Variants in AHCYL1 observed in about 807,000 individuals in gnomAD.
The protein encoded by AHCYL1 is S-adenosylhomocysteine hydrolase-like protein 1.
A neutral mutation model predicts 79.3 loss-of-function variants in AHCYL1; 20 were observed. The ratio of observed to expected loss-of-function variants is 0.25; its 90% CI spans 0.18 to 0.37. AHCYL1 has a LOEUF of 0.37. AHCYL1 is among the 10% of genes least tolerant of loss of function. The pLI, the probability that AHCYL1 is intolerant of heterozygous loss-of-function variation, is 1.00. For synonymous variants in AHCYL1, 223 were observed against 242.2 expected (o/e 0.92, Z 0.74); for missense variants, 330 against 673.6 (o/e 0.49, Z 5.65).
chr1:110,014,958 GCA>G, intron 6 of AHCYL1, 101 bp downstream of exon 6: 1 of 1,109,750 alleles, frequency 9.0e-7, no homozygotes, highest in Non-Finnish European at 1.3e-6. Context: ...TTGGTCTTAT[GCA>G]CTGACTTTGT....
At chr1:110,014,562 T>C (rs1288739680) in intron 5 of AHCYL1, among the ~76,000 whole-genome samples, 1 of 152,246 alleles carries the variant, frequency 6.6e-6, no homozygotes, top group Non-Finnish European at 1.5e-5. Context: ...GGTTCCAAAC[T>C]ACTTTTAAAG....
In AHCYL1 at chr1:109,989,441, A is replaced by C. The variant is rs935237808; in HGVS notation, c.120+4269A>C. On this transcript the variant is annotated intron_variant, in intron 1 of 16. Coordinates refer to ENST00000369799, the MANE Select transcript of AHCYL1 (RefSeq NM_006621.7). The stretch of plus-strand genomic sequence containing the variant: ...CCTGTGTTGCCCAGGCTTGTCTTGA[A>C]CTCCTGGGCTCAAGCGATCTTCCCA... Among the ~76,000 whole-genome samples, 8 of 151,680 alleles carry C rather than the reference A, an allele frequency of 5.3e-5. No individual in the cohort carries two copies. In the South Asian group the frequency reaches 8.4e-4, roughly 16 times the overall value.
chr1:110,001,715 G>A (rs1036489129), intron 1 of AHCYL1, among the ~76,000 whole-genome samples: 1 of 152,102 alleles, frequency 6.6e-6, no homozygotes, highest in African/African-American at 2.4e-5. Context: ...AGAGTATCAG[G>A]GCTAGGAATA....
rs372384090 is a variant in AHCYL1, at chr1:110,019,518, G to A, written c.1387-30G>A. On this transcript the variant is annotated intron_variant, in intron 14 of 16. Transcript: ENST00000369799. ...ATGTGCCTGTCTAAGAAATATTTTT[G>A]TGCTTTCTGGCCTTCTTTTCCCACC... 37 of 1,568,644 alleles carry A rather than the reference G, an allele frequency of 2.4e-5. No homozygotes were observed. In the Middle Eastern group the frequency reaches 1.9e-3, roughly 80 times the overall value.
intron 5 of AHCYL1, among the ~76,000 whole-genome samples, chr1:110,013,881 A>T (rs1008526916): frequency 6.7e-6 from 1 of 149,228 alleles, no homozygotes; most frequent in Non-Finnish European, 1.5e-5. Flanking sequence ...GCTCACTGCA[A>T]CCCCTGCCTC....
At chr1:109,988,283 A>G (rs1649574535) in intron 1 of AHCYL1, among the ~76,000 whole-genome samples, 1 of 152,228 alleles carries the variant, frequency 6.6e-6, no homozygotes, top group South Asian at 2.1e-4. Flanking sequence ...TGTAATTCAC[A>G]TTGTAAGGCT....
At chr1:109,989,382 A>T (rs1403733435) in intron 1 of AHCYL1, among the ~76,000 whole-genome samples, 1 of 152,020 alleles carries the variant, frequency 6.6e-6, no homozygotes, top group African/African-American at 2.4e-5. Context: ...CTTTTTTAAA[A>T]TTTATTTTTA....
chr1:110,019,656 GA>G, intron 15 of AHCYL1, 30 bp downstream of exon 15: 2 of 1,586,258 alleles, frequency 1.3e-6, no homozygotes, highest in Non-Finnish European at 1.7e-6. Context: ...AATCTATGCA[GA>G]CAGCTGCATA....
intron 1 of AHCYL1, among the ~76,000 whole-genome samples, chr1:110,002,720 G>A (rs1052688483): frequency 8.5e-5 from 13 of 152,194 alleles, no homozygotes; most frequent in African/African-American, 3.1e-4. Flanking sequence ...ACCTTTCAAA[G>A]AAGAGATCTG....
rs370475462 is a variant in AHCYL1 at position 110,021,744 on chromosome 1, T to C, written c.*64T>C. Reference sequence around the variant, plus strand: ...CACTCTAAAGAAATATTTTTTAAGATAACTTTTATTTTCTTCTTACTCCTT... The same window carrying C: ...CACTCTAAAGAAATATTTTTTAAGACAACTTTTATTTTCTTCTTACTCCTT... On this transcript the variant is annotated 3_prime_UTR_variant, in exon 17 of 17. Transcript: ENST00000369799. The C allele has an allele frequency of 6.6e-6, 10 of 1,522,346 alleles. No homozygotes were observed. In the African/African-American group the frequency reaches 1.1e-4, roughly 17 times the overall value. The allele number at this position is 1,522,346 out of a possible 1,614,324, so 94.3% of individuals were successfully genotyped here. A position where few individuals can be genotyped will look rare whatever the true frequency, so the allele number is the denominator to read the frequency against.
At chr1:109,998,367 T>C (rs1308688063) in intron 1 of AHCYL1, among the ~76,000 whole-genome samples, 2 of 152,146 alleles carry the variant, frequency 1.3e-5, no homozygotes, top group Admixed American at 6.5e-5. Context: ...TTGCCTGTAA[T>C]GCTAGCACTT....
chr1:110,002,734 T>A (rs933205215), intron 1 of AHCYL1, among the ~76,000 whole-genome samples: 4 of 152,222 alleles, frequency 2.6e-5, no homozygotes, highest in Admixed American at 1.3e-4. Context: ...AGATCTGATG[T>A]TCTCACTTTA....
intron 2 of AHCYL1, among the ~76,000 whole-genome samples, chr1:110,009,507 C>A (rs992387599): frequency 1.3e-5 from 2 of 152,194 alleles, no homozygotes; most frequent in Non-Finnish European, 2.9e-5. Flanking sequence ...AGCACGATTT[C>A]TTTGTGTAAA....
chr1:109,984,806 G>A lies in AHCYL1; in HGVS notation c.-247G>A. ...TGCGTACAGCGGAGGTGGCGGCGCG[G>A]GCAGGTCGGAGCTCGGAGCTGCTGT... On this transcript the variant is annotated 5_prime_UTR_variant, in exon 1 of 17. Coordinates refer to ENST00000369799, the MANE Select transcript of AHCYL1 (RefSeq NM_006621.7). 1 of 386,904 alleles carries A rather than the reference G, an allele frequency of 2.6e-6. No individual in the cohort carries two copies. Among genetic ancestry groups the A allele is most frequent in the Non-Finnish European group, 4.1e-6 (1 of 241,634 alleles). The allele number at this position is 386,904 out of a possible 1,614,324, so 24.0% of individuals were successfully genotyped here.
intron 1 of AHCYL1, chr1:109,995,816 T>G (rs1028339159): frequency 2.1e-6 from 1 of 471,824 alleles, no homozygotes; most frequent in African/African-American, 2.1e-5. Flanking sequence ...GGAGAATGGG[T>G]TGGCATTTTG....
intron 1 of AHCYL1, among the ~76,000 whole-genome samples, chr1:109,996,065 G>T (rs1268411709): frequency 6.6e-6 from 1 of 152,068 alleles, no homozygotes; most frequent in African/African-American, 2.4e-5. Flanking sequence ...AAATTAGCCG[G>T]GTGTGGTAGC....
At chr1:110,021,625 T>A (rs1651799668) in intron 16 of AHCYL1, 49 bp from the exon 17 acceptor site, 2 of 1,597,384 alleles carry the variant, frequency 1.3e-6, no homozygotes, top group African/African-American at 1.3e-5. Context: ...TTTTTGGAAT[T>A]CTCATATGGA....
At chr1:109,991,190 C>T (rs551449187) in intron 1 of AHCYL1, among the ~76,000 whole-genome samples, 1 of 152,288 alleles carries the variant, frequency 6.6e-6, no homozygotes, top group East Asian at 1.9e-4. Flanking sequence ...TATCAGTATA[C>T]ATTGGGGGGC....
intron 1 of AHCYL1, chr1:110,004,444 G>T: frequency 1.0e-6 from 1 of 985,402 alleles, no homozygotes. Flanking sequence ...GAGATAAGTT[G>T]TTTTCTGGTG....
Sources: gnomAD v4.1 joint callset for allele counts (sites outside exome capture counted in the v4.1 genomes callset) on GRCh38, gnomAD v4.1.1 for gene constraint, MANE v1.5 for transcripts, NCBI Gene and HGNC (gene_info 2026-07-23, HGNC 2026-07-21) for gene names.